Variants in FMN2 observed in about 807,000 individuals in gnomAD.
FMN2 encodes formin-2.
FMN2 carries 51 observed loss-of-function variants against 142.3 expected under a neutral mutation model. The observed-to-expected ratio is 0.36, with a 90% confidence interval of 0.29 to 0.45. The LOEUF (loss-of-function observed/expected upper bound fraction) is 0.45. FMN2 is among the 20% of genes least tolerant of loss of function. The pLI is 1.00. For missense variants in FMN2, 1,936 were observed against 2,122.8 expected, an observed-to-expected ratio of 0.91 and a Z score of 1.73; for synonymous variants, 882 against 869.8, an observed-to-expected ratio of 1.01 and a Z score of -0.25.
chr1:240,106,746 G>A (rs978322357), intron 1 of FMN2, among the ~76,000 whole-genome samples: 15 of 150,630 alleles, frequency 1.0e-4, no homozygotes, highest in Non-Finnish European at 8.9e-5. Flanking sequence ...GTGCAATGGC[G>A]CGATCTTGCT....
intron 16 of FMN2, among the ~76,000 whole-genome samples, chr1:240,470,668 AGGAAATTAGGC>A (rs1424536883): frequency 6.6e-6 from 1 of 152,198 alleles, no homozygotes; most frequent in African/African-American, 2.4e-5. Context: ...CACTTCTTTC[AGGAAATTAGGC>A]TATAAGGTCT....
At chr1:240,306,014 A>G (rs1285087778) in intron 8 of FMN2, among the ~76,000 whole-genome samples, 5 of 147,472 alleles carry the variant, frequency 3.4e-5, no homozygotes. Flanking sequence ...CGGTGACGTG[A>G]TCTCGGCTCA....
intron 16 of FMN2, among the ~76,000 whole-genome samples, chr1:240,470,860 C>T (rs1180702084): frequency 6.6e-6 from 1 of 151,596 alleles, no homozygotes; most frequent in Non-Finnish European, 1.5e-5. Context: ...ATCCAATTTA[C>T]AGATTTCTTA....
At chr1:240,193,291 A>G (rs1030867893) in intron 4 of FMN2, among the ~76,000 whole-genome samples, 1 of 152,148 alleles carries the variant, frequency 6.6e-6, no homozygotes, top group Non-Finnish European at 1.5e-5. Flanking sequence ...TTTGTGGTAG[A>G]TATTGAAGGA....
At chr1:240,284,149 CTCTA>C (rs762425138) in intron 7 of FMN2, among the ~76,000 whole-genome samples, 59 of 152,274 alleles carry the variant, frequency 3.9e-4, no homozygotes, top group Non-Finnish European at 6.8e-4. Context: ...TTGTTCAAGT[CTCTA>C]TCTACTCAGA....
chr1:240,453,549 T>A (rs1676128929), intron 16 of FMN2, among the ~76,000 whole-genome samples: 1 of 152,168 alleles, frequency 6.6e-6, no homozygotes, highest in African/African-American at 2.4e-5. Context: ...TTACTACTAT[T>A]ATTATAAATG....
intron 16 of FMN2, among the ~76,000 whole-genome samples, chr1:240,462,345 TA>T (rs1206101638): frequency 6.6e-6 from 1 of 152,218 alleles, no homozygotes; most frequent in Non-Finnish European, 1.5e-5. Context: ...CATAATGCCC[TA>T]AATATTTTAT....
In FMN2 at chr1:240,355,653, C is replaced by G. The variant is rs1486527159; in HGVS notation, c.4766-163C>G. Among the ~76,000 whole-genome samples, 2 of 152,128 alleles carry G rather than the reference C, an allele frequency of 1.3e-5. 1 individual carries two copies. The highest frequency in any genetic ancestry group is 4.1e-4 in the South Asian group (2 of 4,834). ...CCCTCTAAAAGGAAGCCTTGATCATCGGCTTCTCATGTCCGTATTTGGATG... is the reference window on the plus strand; with the variant it reads ...CCCTCTAAAAGGAAGCCTTGATCATGGGCTTCTCATGTCCGTATTTGGATG... On this transcript the variant is annotated intron_variant, in intron 13 of 17. Transcript: ENST00000319653.
intron 1 of FMN2, among the ~76,000 whole-genome samples, chr1:240,121,859 T>A (rs1279356748): frequency 6.6e-6 from 1 of 151,570 alleles, no homozygotes; most frequent in Admixed American, 6.6e-5. Flanking sequence ...GACTTATTTT[T>A]ATTTTGCTGG....
intron 1 of FMN2, among the ~76,000 whole-genome samples, chr1:240,121,515 A>G (rs886775358): frequency 6.6e-6 from 1 of 151,240 alleles, no homozygotes; most frequent in African/African-American, 2.4e-5. Flanking sequence ...AGCTGGGACT[A>G]CAGGCGCTGG....
intron 16 of FMN2, among the ~76,000 whole-genome samples, chr1:240,456,546 T>G (rs1676251399): frequency 1.3e-5 from 2 of 152,330 alleles, no homozygotes; most frequent in South Asian, 4.1e-4. Flanking sequence ...AACCTCTGCC[T>G]CCCGAGTTCA....
chr1:240,329,289 C>A, intron 9 of FMN2, 50 bp from the exon 10 acceptor site: 1 of 1,594,508 alleles, frequency 6.3e-7, no homozygotes, highest in Non-Finnish European at 8.6e-7. Context: ...GGATAAACAT[C>A]TGTTTATGTG....
intron 3 of FMN2, 107 bp downstream of exon 3, chr1:240,178,175 C>G: frequency 8.0e-7 from 1 of 1,251,888 alleles, no homozygotes; most frequent in Non-Finnish European, 1.0e-6. Flanking sequence ...AATTGCATGG[C>G]ATTCAGATAT....
chr1:240,274,492 C>T (rs6681564), intron 7 of FMN2, among the ~76,000 whole-genome samples: 4,587 of 151,786 alleles, frequency 0.03, 211 homozygotes, highest in African/African-American at 0.097. Context: ...ATGGGGTCTG[C>T]GGGGGAGGGA....
chr1:240,133,335 TA>T (rs145597780), intron 2 of FMN2, among the ~76,000 whole-genome samples: 2 of 152,204 alleles, frequency 1.3e-5, no homozygotes, highest in Admixed American at 6.5e-5. Flanking sequence ...ACCAGCTAAT[TA>T]AAAAAAATTT....
chr1:240,349,048 T>A (rs567986594), intron 13 of FMN2, among the ~76,000 whole-genome samples: 1 of 152,336 alleles, frequency 6.6e-6, no homozygotes, highest in Non-Finnish European at 1.5e-5. Context: ...CTGTGGTACC[T>A]ACCACACAGC....
intron 6 of FMN2, among the ~76,000 whole-genome samples, chr1:240,254,768 G>T (rs1252578964): frequency 1.3e-5 from 2 of 152,164 alleles, no homozygotes; most frequent in East Asian, 3.9e-4. Flanking sequence ...GGGGCAGCAG[G>T]GTCGTTGGCA....
At chr1:240,287,800 T>C (rs1669641130) in intron 7 of FMN2, among the ~76,000 whole-genome samples, 1 of 152,228 alleles carries the variant, frequency 6.6e-6, no homozygotes, top group Non-Finnish European at 1.5e-5. Context: ...TTTAATCTCC[T>C]GCAAGAACTC....
chr1:240,105,237 T>A (rs1425446401), intron 1 of FMN2, among the ~76,000 whole-genome samples: 1 of 150,168 alleles, frequency 6.7e-6, no homozygotes, highest in Non-Finnish European at 1.5e-5. Flanking sequence ...GCCTCCTGAG[T>A]AGCTGGGATT....
Sources: gnomAD v4.1 joint callset for allele counts (sites outside exome capture counted in the v4.1 genomes callset) on GRCh38, gnomAD v4.1.1 for gene constraint, MANE v1.5 for transcripts, NCBI Gene and HGNC (gene_info 2026-07-23, HGNC 2026-07-21) for gene names.